The following FLNC variants were observed in gnomAD, a reference collection of about 807,000 sequenced individuals.
The protein encoded by FLNC is filamin-C.
FLNC carries 91 observed loss-of-function variants against 254.3 expected under a neutral mutation model. The ratio of observed to expected loss-of-function variants is 0.36; its 90% CI spans 0.30 to 0.43. FLNC has a LOEUF of 0.43. Ranked by LOEUF, FLNC falls within the 20% of genes least tolerant of loss-of-function variation. FLNC has a pLI of 1.00. For missense variants in FLNC, 2,853 were observed against 3,802.6 expected (o/e 0.75, Z 6.57); for synonymous variants, 1,430 against 1,577.2 (o/e 0.91, Z 2.21).
Position 128,856,532 on chromosome 7 carries a change from G to C in FLNC, c.7266G>C (p.Lys2422Asn). The C allele has an allele frequency of 6.2e-7, 1 of 1,612,662 alleles. No homozygotes were observed. Among genetic ancestry groups the C allele is most frequent in the South Asian group, 1.1e-5 (1 of 91,088 alleles). ...TVTSLQETGL[K>N]VNQPASFAVQ... ...GGCCTTTGCAGGAGACGGGGCTCAAGGTGAACCAGCCAGCGTCCTTTGCCG... is the reference window on the plus strand; with the variant it reads ...GGCCTTTGCAGGAGACGGGGCTCAACGTGAACCAGCCAGCGTCCTTTGCCG... The change falls in exon 44 of 48, where the codon AAG becomes AAC. Residue 2422 changes from lysine to asparagine, a missense_variant. Physicochemically the swap from Lys to Asn is moderately conservative, Grantham distance 94. Transcript: ENST00000325888. The surrounding 1 kb of genome is among the most constrained non-coding windows in gnomAD (Gnocchi z 5.9).
chr7:128,836,558 C>T lies in FLNC; in HGVS notation c.602-602C>T, dbSNP rs1808100686. ...TAGGAGTGATCTGGGGCTGCCTCAG[C>T]GTCCTTCCTGTTAGGAAGGCAGGGC... On this transcript the variant is annotated intron_variant, in intron 2 of 47. Transcript: ENST00000325888. The surrounding 1 kb of genome is among the most constrained non-coding windows in gnomAD (Gnocchi z 6.0). 6.6e-6 allele frequency among the ~76,000 whole-genome samples: 1 copy of T among 152,200 alleles called. No homozygotes were observed.
intron 2 of FLNC, 71 bp from the exon 3 acceptor site, chr7:128,837,089 G>C (rs1360567359): frequency 1.4e-5 from 15 of 1,044,112 alleles, no homozygotes; most frequent in Non-Finnish European, 2.0e-5. Context: ...GAGGGTGTTG[G>C]GTGAACAAAT....
chr7:128,853,342 A>G (rs1808905123), intron 37 of FLNC, 127 bp from the exon 38 acceptor site: 1 of 1,250,278 alleles, frequency 8.0e-7, no homozygotes. Context: ...CCACTGAGCC[A>G]TTTTTGTTAG....
chr7:128,835,620 A>T lies in FLNC; in HGVS notation c.601+46A>T. 1 of 1,599,780 alleles carries T rather than the reference A, an allele frequency of 6.3e-7. No individual in the cohort carries two copies. The highest frequency in any genetic ancestry group is 8.5e-7 in the Non-Finnish European group (1 of 1,172,160). On this transcript the variant is annotated intron_variant, in intron 2 of 47. Coordinates refer to ENST00000325888, the MANE Select transcript of FLNC (RefSeq NM_001458.5). This position sits in a 1 kb window ranked among gnomAD's most constrained non-coding sequence, Gnocchi z 5.3. The stretch of plus-strand genomic sequence containing the variant: ...AGCATGGAGCCCTTAGCTCCCAAAG[A>T]CAGAGGGGACAAGCTGGGGCTGCCA...
rs765545958 is a variant in FLNC, at chr7:128,837,769, G to A, written c.969+14G>A. Reference sequence around the variant, plus strand: ...CACACCGAGGAGGTATGCAGAGGCCGCTGGGGACAGAGGGATTCACTTGGG... The same window carrying A: ...CACACCGAGGAGGTATGCAGAGGCCACTGGGGACAGAGGGATTCACTTGGG... On this transcript the variant is annotated intron_variant, in intron 5 of 47. Transcript: ENST00000325888. The A allele has an allele frequency of 1.2e-5, 18 of 1,555,968 alleles. No individual in the cohort carries two copies. The African/African-American group carries it at 1.2e-4, about 11-fold the overall frequency.
chr7:128,834,889 G>A (rs1033653047), intron 1 of FLNC, among the ~76,000 whole-genome samples: 4 of 152,140 alleles, frequency 2.6e-5, no homozygotes, highest in African/African-American at 9.7e-5. Flanking sequence ...CTGTGGTGAC[G>A]GCTTCGTGAT....
intron 28 of FLNC, 23 bp from the exon 29 acceptor site, chr7:128,849,158 C>G: frequency 6.2e-7 from 1 of 1,612,546 alleles, no homozygotes; most frequent in African/African-American, 1.3e-5. Flanking sequence ...ACCGCCTGGC[C>G]TCACACTCTT....
In FLNC at chr7:128,846,320, C is replaced by T; in HGVS notation, c.3984C>T (p.Val1328=). The stretch of plus-strand genomic sequence containing the variant: ...TTCCAGGCGTGCATCTGGTGGAGGT[C>T]CTGTATGATGAGGTCGCTGTGCCCA... ...AYEEGVHLVE[V]LYDEVAVPKS... The change falls in exon 23 of 48, where the codon GTC becomes GTT. Residue 1328 remains valine (V), a synonymous_variant. Transcript: ENST00000325888. 2 of 1,613,872 alleles carry T rather than the reference C, an allele frequency of 1.2e-6. No individual in the cohort carries two copies. Among genetic ancestry groups the T allele is most frequent in the Non-Finnish European group, 1.7e-6 (2 of 1,179,994 alleles).
chr7:128,846,560 A>G (rs1483007202), intron 23 of FLNC, 97 bp downstream of exon 23: 6 of 1,485,824 alleles, frequency 4.0e-6, no homozygotes, highest in Non-Finnish European at 4.6e-6. Context: ...GCCCCACCCC[A>G]TCCTCTCTCA....
chr7:128,839,984 C>T, intron 8 of FLNC, 39 bp from the exon 9 acceptor site: 5 of 1,605,874 alleles, frequency 3.1e-6, no homozygotes, highest in African/African-American at 1.3e-5. Context: ...GGTCCAAGGC[C>T]CCTCAGCACC....
chr7:128,849,573 G>A lies in FLNC; in HGVS notation c.5194G>A (p.Val1732Met), dbSNP rs374848954. 17 of 1,613,720 alleles carry A rather than the reference G, an allele frequency of 1.1e-5. No individual in the cohort carries two copies. Among genetic ancestry groups the A allele is most frequent in the African/African-American group, 4.0e-5 (3 of 74,916 alleles). Residue 1732 changes from valine (V) to methionine (M), a missense_variant, in exon 30 of 48, where the codon GTG (valine) becomes ATG (methionine). Around this residue, in one of 10 missense-constraint regions of FLNC, gnomAD observed 258 missense variants for 312.3 expected, o/e 0.83. Transcript: ENST00000325888. ...GEHIPNSPFH[V>M]LACDPLPHEE... ...GCACATCCCCAACAGCCCCTTCCAC[G>A]TGCTGGTAAGTTCTGTAGCCACAGC...
In FLNC at chr7:128,844,269, G is replaced by A. The variant is rs1319267809; in HGVS notation, c.3192+3G>A. 6.2e-7 allele frequency: 1 copy of A among 1,601,080 alleles called. No homozygotes were observed. The highest frequency in any genetic ancestry group is 8.5e-7 in the Non-Finnish European group (1 of 1,172,232). On this transcript the variant is annotated splice_donor_region_variant and intron_variant, in intron 20 of 47. Coordinates refer to ENST00000325888, the MANE Select transcript of FLNC (RefSeq NM_001458.5). ...TCCTGCCCCCTGATCCCTCCAAGGTGAGGAGATAGGAGCTGGTTGGGGCTG... is the reference window on the plus strand; with the variant it reads ...TCCTGCCCCCTGATCCCTCCAAGGTAAGGAGATAGGAGCTGGTTGGGGCTG...
intron 1 of FLNC, among the ~76,000 whole-genome samples, chr7:128,831,699 C>T (rs1234657397): frequency 6.6e-6 from 1 of 152,006 alleles, no homozygotes; most frequent in Non-Finnish European, 1.5e-5. Context: ...CACCCCCTAC[C>T]GCGGGATTGG....
At chr7:128,850,169 GGGGGCCTCTT>G in intron 31 of FLNC, 95 bp downstream of exon 31, 2 of 1,162,692 alleles carry the variant, frequency 1.7e-6, no homozygotes, top group South Asian at 2.6e-5. Context: ...GACATGGTCT[GGGGGCCTCTT>G]GGGGAGCAGG....
chr7:128,858,137 A>C lies in FLNC; in HGVS notation c.7910A>C (p.Lys2637Thr), dbSNP rs1183553928. The change falls in exon 47 of 48, where the codon AAG becomes ACG. Residue 2637 changes from lysine (K) to threonine (T), a missense_variant. Physicochemically the swap from Lys to Thr is moderately conservative, Grantham distance 78. Transcript: ENST00000325888. The surrounding 1 kb of genome is among the most constrained non-coding windows in gnomAD (Gnocchi z 6.7). ...CCCAAGTTCTCCTCAGATGCCAGCAAGGTGGTGACTCGGGGCCCTGGGCTG... is the reference window on the plus strand; with the variant it reads ...CCCAAGTTCTCCTCAGATGCCAGCACGGTGGTGACTCGGGGCCCTGGGCTG... ...SIPKFSSDAS[K>T]VVTRGPGLSQ... 1.9e-6 allele frequency: 3 copies of C among 1,612,664 alleles called. No homozygotes were observed. Among genetic ancestry groups the C allele is most frequent in the Non-Finnish European group, 2.5e-6 (3 of 1,179,048 alleles).
In FLNC at chr7:128,836,137, G is replaced by A. The variant is rs572332353; in HGVS notation, c.601+563G>A. Among the ~76,000 whole-genome samples the A allele has an allele frequency of 8.5e-5, 13 of 152,322 alleles. No individual in the cohort carries two copies. The highest frequency in any genetic ancestry group is 2.1e-4 in the South Asian group (1 of 4,816). On this transcript the variant is annotated intron_variant, in intron 2 of 47. Transcript: ENST00000325888. The surrounding 1 kb of genome is among the most constrained non-coding windows in gnomAD (Gnocchi z 6.0). ...GGTGAGCCAGCCTTGCCCCTTCTCCGTGTAGGTCCTGGCCTGGTCAAGTGG... is the reference window on the plus strand; with the variant it reads ...GGTGAGCCAGCCTTGCCCCTTCTCCATGTAGGTCCTGGCCTGGTCAAGTGG...
chr7:128,840,555 A>G lies in FLNC; in HGVS notation c.1557A>G (p.Thr519=), dbSNP rs1450454565. The G allele has an allele frequency of 6.2e-7, 1 of 1,614,072 alleles. No homozygotes were observed. Among genetic ancestry groups the G allele is most frequent in the African/African-American group, 1.3e-5 (1 of 74,938 alleles). ...CTGCCCCCATCTCCTCAGAGGGCAC[A>G]GAGGAGCCAGTGAAGGTGCGGGAGG... is the stretch of plus-strand genomic sequence containing the variant. ...LKVTVKGPKG[T]EEPVKVREAG... The change falls in exon 10 of 48, where the codon ACA becomes ACG. Residue 519 remains threonine, a synonymous_variant. Transcript: ENST00000325888.
rs868744958 is a variant in FLNC, at chr7:128,855,264, G to A, written c.7201G>A (p.Val2401Met). 7 of 1,613,956 alleles carry A rather than the reference G, an allele frequency of 4.3e-6. No homozygotes were observed. In the Middle Eastern group the frequency reaches 6.6e-4, roughly 152 times the overall value. The change falls in exon 43 of 48, where the codon GTG (valine) becomes ATG (methionine). Residue 2401 changes from valine (V) to methionine (M), a missense_variant. By Grantham distance (21) the Val-to-Met change is conservative. This residue lies in a region of FLNC where 551 missense variants were observed against 835.0 expected (regional missense o/e 0.66). Coordinates refer to ENST00000325888, the MANE Select transcript of FLNC (RefSeq NM_001458.5). ...HIPDSPFVVP[V>M]ASLSDDARRL... ...CCCAGACAGCCCCTTTGTGGTGCCT[G>A]TGGCCTCCCTCTCGGATGACGCTCG...
rs976043816 is a variant in FLNC, at chr7:128,837,489, C to G, written c.791C>G (p.Pro264Arg). Residue 264 changes from proline (P) to arginine (R), a missense_variant, in exon 4 of 48, where the codon CCT (proline) becomes CGT (arginine). Around this residue, in one of 10 missense-constraint regions of FLNC, gnomAD observed 1,573 missense variants for 1,883.5 expected, o/e 0.84. Coordinates refer to ENST00000325888, the MANE Select transcript of FLNC (RefSeq NM_001458.5). ...CAGTTCCCCAAGGCCAAGCTCAAAC[C>G]TGGTGCCCCTGTTCGATCCAAGCAG... is the stretch of plus-strand genomic sequence containing the variant. The part of the protein sequence containing the change: ...LSQFPKAKLK[P>R]GAPVRSKQLN... 3 of 1,614,212 alleles carry G rather than the reference C, an allele frequency of 1.9e-6. No homozygotes were observed. Among genetic ancestry groups the G allele is most frequent in the Non-Finnish European group, 2.5e-6 (3 of 1,180,028 alleles).
Sources: allele counts gnomAD v4.1 joint callset (sites outside exome capture counted in the v4.1 genomes callset), GRCh38; gene constraint gnomAD v4.1.1; regional missense constraint gnomAD v4.1.1; non-coding constraint Gnocchi (gnomAD v3.1); transcripts MANE v1.5; gene names NCBI Gene and HGNC (gene_info 2026-07-23, HGNC 2026-07-21).